NR6A1: variants seen among roughly 807,000 people sequenced by gnomAD.
NR6A1 encodes the protein retinoic acid receptor-related testis-associated receptor.
In NR6A1, 7 loss-of-function variants were observed where a neutral mutation model predicts 59.1. The observed-to-expected ratio is 0.12, with a 90% CI of 0.07 to 0.22. NR6A1 has a LOEUF of 0.22. Among genes scored for constraint, NR6A1 ranks in the 10% least tolerant of loss-of-function variants. The pLI is 1.00. For missense variants in NR6A1, 468 were observed against 611.6 expected (o/e 0.77, Z 2.48); for synonymous variants, 243 against 236.1 (o/e 1.03, Z -0.27).
At chr9:124,644,836 G>A (rs919851180) in intron 2 of NR6A1, among the ~76,000 whole-genome samples, 3 of 152,154 alleles carry the variant, frequency 2.0e-5, no homozygotes, top group African/African-American at 7.2e-5. Flanking sequence ...ATTAGCATTG[G>A]AACTGACCTG....
intron 2 of NR6A1, among the ~76,000 whole-genome samples, chr9:124,641,490 T>C (rs1836766525): frequency 1.3e-5 from 2 of 151,998 alleles, no homozygotes; most frequent in African/African-American, 2.4e-5. Flanking sequence ...CTGCTTGAGC[T>C]CAGGAGTTTG....
chr9:124,662,198 A>C (rs996314786), intron 2 of NR6A1, among the ~76,000 whole-genome samples: 5 of 152,186 alleles, frequency 3.3e-5, no homozygotes, highest in African/African-American at 1.2e-4. Flanking sequence ...TCATGGCCAG[A>C]GTACGTGAAA....
At chr9:124,659,120 T>C (rs938502028) in intron 2 of NR6A1, among the ~76,000 whole-genome samples, 1 of 152,262 alleles carries the variant, frequency 6.6e-6, no homozygotes, top group African/African-American at 2.4e-5. Context: ...TCTAGTTTTG[T>C]GTGGCCAAAC....
intron 2 of NR6A1, among the ~76,000 whole-genome samples, chr9:124,640,701 A>T (rs779790875): frequency 2.0e-5 from 3 of 151,946 alleles, no homozygotes; most frequent in Non-Finnish European, 4.4e-5. Flanking sequence ...TACCACCCCC[A>T]GTCCAATCTT....
At chr9:124,630,619 T>C (rs1218986059) in intron 2 of NR6A1, among the ~76,000 whole-genome samples, 3 of 151,312 alleles carry the variant, frequency 2.0e-5, no homozygotes, top group Non-Finnish European at 4.4e-5. Flanking sequence ...TGGGTTCCTA[T>C]TCTTGTTCTA....
rs1832821761 is a variant in NR6A1 at position 124,522,478 on chromosome 9, G to A, written c.*227C>T. Reference sequence around the variant, plus strand: ...ATGCATTGGCTGCATTCACACAAAAGCATGTGCATCATGTTGAAGGCCATA... The same window carrying A: ...ATGCATTGGCTGCATTCACACAAAAACATGTGCATCATGTTGAAGGCCATA... On this transcript the variant is annotated 3_prime_UTR_variant, in exon 10 of 10. Coordinates refer to ENST00000487099, the MANE Select transcript of NR6A1 (RefSeq NM_033334.4). 2.7e-6 allele frequency: 1 copy of A among 363,870 alleles called. No homozygotes were observed. Among genetic ancestry groups the A allele is most frequent in the Non-Finnish European group, 5.2e-6 (1 of 192,772 alleles). 22.5% of individuals were successfully genotyped at this position (363,870 alleles called of 1,614,324 possible). A position where few individuals can be genotyped will look rare whatever the true frequency, so the allele number is the denominator to read the frequency against.
chr9:124,521,490 A>G lies in NR6A1; in HGVS notation c.*1215T>C, dbSNP rs980271728. The G allele has an allele frequency of 6.6e-6, 1 of 152,392 alleles. No individual in the cohort carries two copies. The highest frequency in any genetic ancestry group is 1.5e-5 in the Non-Finnish European group (1 of 68,252). 9.4% of individuals were successfully genotyped at this position (152,392 alleles called of 1,614,324 possible). ...TGGGTCCCTGAGGAAAACTGGTCTC[A>G]CTCTGGAGAGAAAAGGAGAACTTGG... is the stretch of plus-strand genomic sequence containing the variant. On this transcript the variant is annotated 3_prime_UTR_variant, in exon 10 of 10. Transcript: ENST00000487099.
intron 2 of NR6A1, among the ~76,000 whole-genome samples, chr9:124,611,875 T>C (rs1025791809): frequency 1.3e-5 from 2 of 151,876 alleles, no homozygotes; most frequent in Admixed American, 6.6e-5. Flanking sequence ...TAGGTCAAGA[T>C]GAATGAGTCA....
intron 2 of NR6A1, among the ~76,000 whole-genome samples, chr9:124,725,830 C>T (rs1443875533): frequency 2.0e-5 from 3 of 151,978 alleles, no homozygotes. Context: ...CTGACAAATT[C>T]GGATCAAATT....
chr9:124,518,726 AT>A lies in NR6A1; in HGVS notation c.*3978del, dbSNP rs1408235314. 2.0e-5 allele frequency: 3 copies of A among 150,400 alleles called. No homozygotes were observed. The highest frequency in any genetic ancestry group is 4.4e-5 in the Non-Finnish European group (3 of 67,652). 9.3% of individuals were successfully genotyped at this position (150,400 alleles called of 1,614,324 possible). ...GGAGGCAGGGGAGTAAGAGTAGCGG[AT>A]TTTTTTGTTAAATTTTGTTTGTTTT... On this transcript the variant is annotated 3_prime_UTR_variant, in exon 10 of 10. Coordinates refer to ENST00000487099, the MANE Select transcript of NR6A1 (RefSeq NM_033334.4).
intron 2 of NR6A1, among the ~76,000 whole-genome samples, chr9:124,578,133 A>G (rs886124067): frequency 6.6e-6 from 1 of 151,896 alleles, no homozygotes; most frequent in Non-Finnish European, 1.5e-5. Flanking sequence ...TTTACTGAGT[A>G]CTCTTTGGGA....
intron 2 of NR6A1, among the ~76,000 whole-genome samples, chr9:124,682,265 G>A (rs924147979): frequency 1.3e-5 from 2 of 152,086 alleles, no homozygotes; most frequent in Admixed American, 1.3e-4. Context: ...GCCTCCCAGA[G>A]TGCTGGGAAT....
intron 1 of NR6A1, 143 bp from the exon 2 acceptor site, chr9:124,733,492 C>T: frequency 1.5e-6 from 1 of 653,154 alleles, no homozygotes; most frequent in Non-Finnish European, 2.8e-6. Context: ...CATTTAGCTA[C>T]TACATATCCC....
intron 2 of NR6A1, chr9:124,692,347 A>C: frequency 2.8e-6 from 1 of 352,754 alleles, no homozygotes; most frequent in Non-Finnish European, 6.3e-6. Context: ...TATAATTTAA[A>C]TACTCTCGAC....
At chr9:124,760,746 T>C (rs1840766074) in intron 1 of NR6A1, among the ~76,000 whole-genome samples, 2 of 152,224 alleles carry the variant, frequency 1.3e-5, no homozygotes, top group Admixed American at 6.5e-5. Context: ...ATAAACACTA[T>C]GTAAATGTTA....
chr9:124,589,315 G>A (rs1166957383), intron 2 of NR6A1, among the ~76,000 whole-genome samples: 1 of 152,094 alleles, frequency 6.6e-6, no homozygotes, highest in African/African-American at 2.4e-5. Flanking sequence ...GCGCGGTGGC[G>A]GGCGCCTGTA....
At chr9:124,577,433 C>G (rs1034665086) in intron 2 of NR6A1, among the ~76,000 whole-genome samples, 1 of 152,186 alleles carries the variant, frequency 6.6e-6, no homozygotes, top group Non-Finnish European at 1.5e-5. Flanking sequence ...GTATTACTGA[C>G]TCTGAGGGTT....
Position 124,771,280 on chromosome 9 carries a change from C to T in NR6A1, c.-161G>A, listed in dbSNP as rs950293113. Reference sequence around the variant, plus strand: ...CGAGCCGCCCGGCTCCGCGCCGCTCCGCGCCCCTCCGCGCCGCGCCCCCTC... The same window carrying T: ...CGAGCCGCCCGGCTCCGCGCCGCTCTGCGCCCCTCCGCGCCGCGCCCCCTC... On this transcript the variant is annotated 5_prime_UTR_variant, in exon 1 of 10. Transcript: ENST00000487099. 3 of 392,336 alleles carry T rather than the reference C, an allele frequency of 7.6e-6. No individual in the cohort carries two copies. The highest frequency in any genetic ancestry group is 1.3e-5 in the Non-Finnish European group (3 of 224,380). 24.3% of individuals were successfully genotyped at this position (392,336 alleles called of 1,614,324 possible). A position where few individuals can be genotyped will look rare whatever the true frequency, so the allele number is the denominator to read the frequency against.
At chr9:124,694,669 C>T (rs78735278) in intron 2 of NR6A1, among the ~76,000 whole-genome samples, 3,560 of 152,178 alleles carry the variant, frequency 0.023, 110 homozygotes, top group East Asian at 0.097. Context: ...AAAAACAAGG[C>T]CCTTGGTCAT....
Sources: allele counts gnomAD v4.1 joint callset (sites outside exome capture counted in the v4.1 genomes callset), GRCh38; gene constraint gnomAD v4.1.1; transcripts MANE v1.5; gene names NCBI Gene and HGNC (gene_info 2026-07-23, HGNC 2026-07-21).